The following ARHGEF7 variants were observed in gnomAD, a reference collection of about 807,000 sequenced individuals.
ARHGEF7 encodes the protein Rho guanine nucleotide exchange factor 7.
ARHGEF7 carries 33 observed loss-of-function variants against 109.8 expected under a neutral mutation model. That is an observed-to-expected ratio of 0.30 (90% CI 0.23 to 0.40). The LOEUF is 0.40. ARHGEF7 is among the 10% of genes least tolerant of loss of function. The pLI is 1.00. For missense variants in ARHGEF7, 938 were observed against 1,098.5 expected, an observed-to-expected ratio of 0.85 and a Z score of 2.07; for synonymous variants, 458 against 424.6, an observed-to-expected ratio of 1.08 and a Z score of -0.97.
rs2092399792 is a variant in ARHGEF7, at chr13:111,275,052, GT to G, written c.1272+264del. 2.6e-5 allele frequency among the ~76,000 whole-genome samples: 4 copies of G among 152,238 alleles called. No homozygotes were observed. In the South Asian group the frequency reaches 8.3e-4, roughly 32 times the overall value. On this transcript the variant is annotated intron_variant, in intron 11 of 21. Transcript: ENST00000646102. ...AAACATTTTTTTACCCTTCATTCAT[GT>G]TGTCTTTAATGATTTATTGCAAAAC... is the stretch of plus-strand genomic sequence containing the variant.
chr13:111,115,764 C>A, intron 1 of ARHGEF7, 73 bp downstream of exon 1: 1 of 940,156 alleles, frequency 1.1e-6, no homozygotes, highest in Non-Finnish European at 1.3e-6. Context: ...GCGCGGAGCA[C>A]CTGAGGCCGG....
chr13:111,258,751 AGGTG>A lies in ARHGEF7; in HGVS notation c.951-8795_951-8792del, dbSNP rs1170709399. Among the ~76,000 whole-genome samples the A allele has an allele frequency of 6.6e-6, 1 of 152,084 alleles. No individual in the cohort carries two copies. The highest frequency in any genetic ancestry group is 1.5e-5 in the Non-Finnish European group (1 of 68,016). On this transcript the variant is annotated intron_variant, in intron 8 of 21. Transcript: ENST00000646102. The surrounding 1 kb of genome is among the most constrained non-coding windows in gnomAD (Gnocchi z 4.4). The stretch of plus-strand genomic sequence containing the variant: ...CGTAGGTATCTGCCCAGCCACAGTG[AGGTG>A]GAACATCAAGTGGGCTCTTGGGAGT...
At position 111,239,958 on chromosome 13, in the gene ARHGEF7, A is replaced by G. The variant is rs1030015827; in HGVS notation, c.760-3914A>G. Among the ~76,000 whole-genome samples the G allele has an allele frequency of 3.9e-5, 6 of 152,326 alleles. No individual in the cohort carries two copies. The highest frequency in any genetic ancestry group is 3.4e-3 in the Middle Eastern group (1 of 294). On this transcript the variant is annotated intron_variant, in intron 6 of 21. Transcript: ENST00000646102. This position sits in a 1 kb window ranked among gnomAD's most constrained non-coding sequence, Gnocchi z 4.3. ...AAGAAGCAGCTCCAAGTAAGACTCT[A>G]CATTGGGCTGGAAGGTCGAAGGGTG...
chr13:111,222,309 C>T (rs1290356106), intron 5 of ARHGEF7, among the ~76,000 whole-genome samples: 1 of 152,120 alleles, frequency 6.6e-6, no homozygotes, highest in Non-Finnish European at 1.5e-5. Context: ...ATTAGTGATG[C>T]ATTTGCTAAA....
At chr13:111,299,337 ATT>A (rs936360326) in intron 19 of ARHGEF7, among the ~76,000 whole-genome samples, 1 of 106,108 alleles carries the variant, frequency 9.4e-6, no homozygotes, top group East Asian at 2.8e-4. Flanking sequence ...GAAGCCATTC[ATT>A]TTTTTTTTTT....
At chr13:111,176,390 C>T (rs917206660) in intron 2 of ARHGEF7, among the ~76,000 whole-genome samples, 1 of 152,170 alleles carries the variant, frequency 6.6e-6, no homozygotes, top group Non-Finnish European at 1.5e-5. Flanking sequence ...CGTGATGTGC[C>T]TCTCCCCCTC....
chr13:111,155,760 CTT>C (rs2153381982), intron 2 of ARHGEF7, among the ~76,000 whole-genome samples: 1 of 152,230 alleles, frequency 6.6e-6, no homozygotes, highest in East Asian at 1.9e-4. Context: ...TAGTGTAAAA[CTT>C]TTTAAAAAAG....
At chr13:111,196,685 T>C (rs956813927) in intron 2 of ARHGEF7, among the ~76,000 whole-genome samples, 3 of 151,996 alleles carry the variant, frequency 2.0e-5, no homozygotes, top group Non-Finnish European at 2.9e-5. Flanking sequence ...CAGGGGAGAT[T>C]AGAGGAGGCT....
chr13:111,140,540 C>A (rs912080982), intron 1 of ARHGEF7, among the ~76,000 whole-genome samples: 1 of 152,086 alleles, frequency 6.6e-6, no homozygotes, highest in Non-Finnish European at 1.5e-5. Flanking sequence ...TAGAAGCCTG[C>A]CTGGCGAGTT....
intron 6 of ARHGEF7, among the ~76,000 whole-genome samples, chr13:111,240,137 G>A (rs1477871314): frequency 6.6e-6 from 1 of 152,154 alleles, no homozygotes; most frequent in Non-Finnish European, 1.5e-5. Flanking sequence ...GGGAGCCCAG[G>A]TCCACGTGGC....
At chr13:111,301,954 A>G (rs939847949) in intron 21 of ARHGEF7, among the ~76,000 whole-genome samples, 8 of 152,220 alleles carry the variant, frequency 5.3e-5, no homozygotes, top group Non-Finnish European at 1.0e-4. Context: ...TGTCTTTGAG[A>G]AGTCCAGCAG....
At chr13:111,257,541 ACCT>A (rs2090576965) in intron 8 of ARHGEF7, among the ~76,000 whole-genome samples, 1 of 152,204 alleles carries the variant, frequency 6.6e-6, no homozygotes. Flanking sequence ...CCAAATAGAA[ACCT>A]CCACTGATTG....
intron 5 of ARHGEF7, among the ~76,000 whole-genome samples, chr13:111,224,104 C>T (rs1000091101): frequency 3.9e-5 from 6 of 152,242 alleles, no homozygotes; most frequent in African/African-American, 1.2e-4. Flanking sequence ...ATCTGCCCGC[C>T]TCAGCCTCCC....
intron 1 of ARHGEF7, among the ~76,000 whole-genome samples, chr13:111,151,872 A>G (rs1225035074): frequency 6.6e-6 from 1 of 152,156 alleles, no homozygotes; most frequent in East Asian, 1.9e-4. Context: ...TGTTTACAGA[A>G]TGAGAACTAA....
chr13:111,300,215 TAGGAAATATAA>T (rs1287764214), intron 19 of ARHGEF7, among the ~76,000 whole-genome samples: 6 of 152,236 alleles, frequency 3.9e-5, no homozygotes, highest in African/African-American at 1.4e-4. Context: ...GTTTATATTT[TAGGAAATATAA>T]AGTTTTCATA....
intron 2 of ARHGEF7, among the ~76,000 whole-genome samples, chr13:111,187,255 C>T (rs949540643): frequency 2.6e-5 from 4 of 152,194 alleles, no homozygotes; most frequent in Non-Finnish European, 4.4e-5. Context: ...TCTCCTTGTT[C>T]TGCTTCACTG....
At chr13:111,124,715 T>C (rs1040940861) in intron 1 of ARHGEF7, among the ~76,000 whole-genome samples, 1 of 152,204 alleles carries the variant, frequency 6.6e-6, no homozygotes, top group Non-Finnish European at 1.5e-5. Flanking sequence ...GTCTGCTCCC[T>C]GCCTTCATAA....
intron 2 of ARHGEF7, among the ~76,000 whole-genome samples, chr13:111,181,115 A>T (rs950627242): frequency 6.6e-6 from 1 of 152,220 alleles, no homozygotes; most frequent in Non-Finnish European, 1.5e-5. Flanking sequence ...TGGTGAATTT[A>T]TTCAAAATTC....
At chr13:111,151,873 T>C (rs2075904162) in intron 1 of ARHGEF7, among the ~76,000 whole-genome samples, 2 of 151,890 alleles carry the variant, frequency 1.3e-5, no homozygotes, top group African/African-American at 4.8e-5. Flanking sequence ...GTTTACAGAA[T>C]GAGAACTAAA....
Sources: gnomAD v4.1 joint callset for allele counts (sites outside exome capture counted in the v4.1 genomes callset) on GRCh38, gnomAD v4.1.1 for gene constraint, Gnocchi (gnomAD v3.1) non-coding constraint, MANE v1.5 for transcripts, NCBI Gene and HGNC (gene_info 2026-07-23, HGNC 2026-07-21) for gene names.